The following UGT1A8 variants were observed in gnomAD, a reference collection of about 807,000 sequenced individuals.
UGT1A8 encodes UDP glucuronosyltransferase family 1 member A8.
UGT1A8 carries 39 observed loss-of-function variants against 45.3 expected under a neutral mutation model. The ratio of observed to expected loss-of-function variants is 0.86; its 90% CI spans 0.67 to 1.12. The LOEUF is 1.12. Among genes scored for constraint, UGT1A8 ranks in the 50% most tolerant of loss-of-function variants. The probability of loss-of-function intolerance (pLI) is 0.00; values close to 1 mark genes in which losing one functional copy is unlikely to be tolerated. For missense variants in UGT1A8, 719 were observed against 664.9 expected, an observed-to-expected ratio of 1.08 and a Z score of -0.90; for synonymous variants, 275 against 249.2, an observed-to-expected ratio of 1.10 and a Z score of -0.97.
At chr2:233,759,585 G>C in intron 1 of UGT1A8, among the ~76,000 whole-genome samples, 1 of 148,700 alleles carries the variant, frequency 6.7e-6, no homozygotes, top group Non-Finnish European at 1.5e-5. Context: ...ACCCCAGCAC[G>C]CCCCCCACCC....
intron 1 of UGT1A8, among the ~76,000 whole-genome samples, chr2:233,662,897 T>A (rs2074003901): frequency 6.6e-6 from 1 of 152,004 alleles, no homozygotes; most frequent in South Asian, 2.1e-4. Flanking sequence ...GCTACATGGT[T>A]ATACAGTTTT....
At chr2:233,655,752 C>T (rs1408515472) in intron 1 of UGT1A8, among the ~76,000 whole-genome samples, 1 of 152,184 alleles carries the variant, frequency 6.6e-6, no homozygotes, top group Non-Finnish European at 1.5e-5. Context: ...TGGAGGTTCA[C>T]AGAGCCCCAT....
At chr2:233,733,568 T>G (rs1265676895) in intron 1 of UGT1A8, among the ~76,000 whole-genome samples, 1 of 152,248 alleles carries the variant, frequency 6.6e-6, no homozygotes, top group Non-Finnish European at 1.5e-5. Flanking sequence ...GAAATAATCA[T>G]GTGGTTTGTC....
chr2:233,712,348 G>A (rs2076227987), intron 1 of UGT1A8, among the ~76,000 whole-genome samples: 1 of 152,170 alleles, frequency 6.6e-6, no homozygotes, highest in African/African-American at 2.4e-5. Context: ...ATCACATCTT[G>A]AGCTCAGCCT....
At chr2:233,690,675 G>T in intron 1 of UGT1A8, 2 of 1,262,130 alleles carry the variant, frequency 1.6e-6, no homozygotes, top group Non-Finnish European at 2.0e-6. Context: ...GGCAGGCCTG[G>T]GTCTCCAGCG....
At chr2:233,622,509 GTTGGCT>G (rs1337055192) in intron 1 of UGT1A8, among the ~76,000 whole-genome samples, 1 of 152,012 alleles carries the variant, frequency 6.6e-6, no homozygotes, top group Non-Finnish European at 1.5e-5. Context: ...TCATATGTCT[GTTGGCT>G]GCATAAATGT....
chr2:233,624,325 C>A (rs2073059486), intron 1 of UGT1A8, among the ~76,000 whole-genome samples: 1 of 152,074 alleles, frequency 6.6e-6, no homozygotes, highest in Non-Finnish European at 1.5e-5. Context: ...CAGTCCTGGT[C>A]AGGTGTCCTG....
At chr2:233,675,756 T>A (rs1309423231) in intron 1 of UGT1A8, among the ~76,000 whole-genome samples, 1 of 152,244 alleles carries the variant, frequency 6.6e-6, no homozygotes, top group Non-Finnish European at 1.5e-5. Flanking sequence ...CTTTATTCTA[T>A]CTTTTTAAAG....
chr2:233,657,468 T>C (rs1025516515), intron 1 of UGT1A8, among the ~76,000 whole-genome samples: 5 of 151,838 alleles, frequency 3.3e-5, no homozygotes, highest in African/African-American at 1.2e-4. Context: ...AAAGGAGGGG[T>C]TGCCAGGATC....
chr2:233,643,462 A>C (rs1413847720), intron 1 of UGT1A8, among the ~76,000 whole-genome samples: 1 of 151,970 alleles, frequency 6.6e-6, no homozygotes, highest in Non-Finnish European at 1.5e-5. Context: ...GCTCCCCTCT[A>C]TCCCAGGGGA....
intron 1 of UGT1A8, among the ~76,000 whole-genome samples, chr2:233,624,916 A>G (rs1415494910): frequency 6.6e-6 from 1 of 152,052 alleles, no homozygotes; most frequent in Non-Finnish European, 1.5e-5. Context: ...TGATATTTTT[A>G]TTCCAATTTT....
At chr2:233,745,324 G>C (rs1405359203) in intron 1 of UGT1A8, among the ~76,000 whole-genome samples, 1 of 151,812 alleles carries the variant, frequency 6.6e-6, no homozygotes, top group African/African-American at 2.4e-5. Flanking sequence ...CACTAGAACT[G>C]CTATATCATG....
chr2:233,632,197 T>C (rs1298445354), intron 1 of UGT1A8, among the ~76,000 whole-genome samples: 2 of 152,284 alleles, frequency 1.3e-5, no homozygotes, highest in African/African-American at 4.8e-5. Context: ...GGTCTATATA[T>C]CTGTTTGGGT....
chr2:233,636,550 G>A lies in UGT1A8; in HGVS notation c.855+17988G>A, dbSNP rs749394452. The stretch of plus-strand genomic sequence containing the variant: ...GGCTCGCGCAGGGTGGACCAGCCCC[G>A]TTCCTTTATGTGTGTGTCTACTGCT... On this transcript the variant is annotated intron_variant, in intron 1 of 4. Coordinates refer to ENST00000373450, the MANE Select transcript of UGT1A8 (RefSeq NM_019076.5). 42 of 1,614,102 alleles carry A rather than the reference G, an allele frequency of 2.6e-5. No individual in the cohort carries two copies. Among genetic ancestry groups the A allele is most frequent in the Admixed American group, 2.3e-4 (14 of 60,020 alleles).
chr2:233,705,342 G>A (rs2075842157), intron 1 of UGT1A8, among the ~76,000 whole-genome samples: 1 of 152,060 alleles, frequency 6.6e-6, no homozygotes, highest in Non-Finnish European at 1.5e-5. Flanking sequence ...CTCAATTTTT[G>A]TCTTATTACA....
intron 1 of UGT1A8, among the ~76,000 whole-genome samples, chr2:233,733,262 T>A (rs11685892): frequency 0.53 from 80,164 of 151,964 alleles, 22,478 homozygotes; most frequent in African/African-American, 0.73. Flanking sequence ...AAACAGGGAC[T>A]ATTTGACTTC....
chr2:233,684,711 G>T (rs1275100203), intron 1 of UGT1A8, among the ~76,000 whole-genome samples: 1 of 151,950 alleles, frequency 6.6e-6, no homozygotes, highest in East Asian at 1.9e-4. Flanking sequence ...ATGTATTAAT[G>T]TATATATTTA....
chr2:233,767,319 T>G (rs928023163), intron 2 of UGT1A8, among the ~76,000 whole-genome samples, 154 bp downstream of exon 2: 1 of 152,210 alleles, frequency 6.6e-6, no homozygotes, highest in African/African-American at 2.4e-5. Flanking sequence ...TTTTTGTTGT[T>G]GTGGTTGTTG....
At chr2:233,662,232 T>A (rs542411289) in intron 1 of UGT1A8, among the ~76,000 whole-genome samples, 1 of 152,248 alleles carries the variant, frequency 6.6e-6, no homozygotes, top group Admixed American at 6.5e-5. Flanking sequence ...GTGTCTATAA[T>A]ATGGTAGTAA....
Sources: allele counts gnomAD v4.1 joint callset (sites outside exome capture counted in the v4.1 genomes callset), GRCh38; gene constraint gnomAD v4.1.1; transcripts MANE v1.5; gene names NCBI Gene and HGNC (gene_info 2026-07-23, HGNC 2026-07-21).